The following CDC42BPA variants were observed in gnomAD, a reference collection of about 807,000 sequenced individuals.
CDC42BPA encodes CDC42 binding protein kinase alpha, also known as serine/threonine-protein kinase MRCK alpha.
Under a neutral mutation model 223.5 loss-of-function variants are expected in CDC42BPA, and 80 were observed. The ratio of observed to expected loss-of-function variants is 0.36; its 90% CI spans 0.30 to 0.43. The LOEUF (loss-of-function observed/expected upper bound fraction) is 0.43. CDC42BPA is among the 20% of genes least tolerant of loss of function. The probability of loss-of-function intolerance (pLI) is 1.00; values close to 1 mark genes in which losing one functional copy is unlikely to be tolerated. For missense variants in CDC42BPA, 1,743 were observed against 2,099.9 expected (o/e 0.83, Z 3.32); for synonymous variants, 694 against 718.6 (o/e 0.97, Z 0.55).
chr1:227,039,136 T>C (rs1670878230), intron 24 of CDC42BPA, among the ~76,000 whole-genome samples: 1 of 150,820 alleles, frequency 6.6e-6, no homozygotes. Flanking sequence ...ATTTGGTTCC[T>C]TCTGACTTTT....
intron 21 of CDC42BPA, among the ~76,000 whole-genome samples, chr1:227,068,126 TTC>T (rs1280346945): frequency 6.6e-6 from 1 of 151,910 alleles, no homozygotes; most frequent in Non-Finnish European, 1.5e-5. Flanking sequence ...AGAAGAGAAA[TTC>T]TGTCAGCATT....
chr1:227,073,801 C>T lies in CDC42BPA; in HGVS notation c.2735+63G>A, dbSNP rs543163869. 2.8e-5 allele frequency: 37 copies of T among 1,301,132 alleles called. 1 individual carries two copies. Among genetic ancestry groups the T allele is most frequent in the Non-Finnish European group, 3.9e-5 (37 of 954,948 alleles). 80.6% of individuals were successfully genotyped at this position (1,301,132 alleles called of 1,614,324 possible). On this transcript the variant is annotated intron_variant, in intron 19 of 36. Transcript: ENST00000366766. ...GCAATGGAAACTAAACATGTAACTT[C>T]TCTCCAAATAATTATGACAAACTTA...
At position 227,029,205 on chromosome 1, in the gene CDC42BPA, A is replaced by G; in HGVS notation, c.3884T>C (p.Leu1295Pro). The change falls in exon 30 of 37, where the codon CTC becomes CCC. Residue 1295 changes from leucine to proline, a missense_variant. Around this residue, in one of 6 missense-constraint regions of CDC42BPA, gnomAD observed 678 missense variants for 777.5 expected, o/e 0.87. Transcript: ENST00000366766. Reference sequence around the variant, plus strand: ...AGCAACAAGCTGATCATTTGGAATGAGTTCAATCTGATGAATCTTCTTATT... The same window carrying G: ...AGCAACAAGCTGATCATTTGGAATGGGTTCAATCTGATGAATCTTCTTATT... The part of the protein sequence containing the change: ...GDNKKIHQIE[L>P]IPNDQLVAVI... The G allele has an allele frequency of 6.3e-7, 1 of 1,598,508 alleles. No individual in the cohort carries two copies.
intron 15 of CDC42BPA, 33 bp downstream of exon 15, chr1:227,100,958 GT>G: frequency 7.9e-7 from 1 of 1,258,700 alleles, no homozygotes; most frequent in South Asian, 1.3e-5. Context: ...TACTCAGTAA[GT>G]ATTTACTGTA....
chr1:227,006,990 A>AACAACAACAACC (rs1553294122), intron 34 of CDC42BPA, among the ~76,000 whole-genome samples: 1 of 141,270 alleles, frequency 7.1e-6, no homozygotes, highest in Admixed American at 7.0e-5. Context: ...CAACAACAAC[A>AACAACAACAACC]ACCCCCCAGC....
intron 1 of CDC42BPA, among the ~76,000 whole-genome samples, chr1:227,279,111 C>T (rs185904002): frequency 6.6e-6 from 1 of 151,706 alleles, no homozygotes; most frequent in South Asian, 2.1e-4. Flanking sequence ...AAGACAGATC[C>T]GTAGTTCTCT....
chr1:227,266,298 G>A (rs867602798), intron 1 of CDC42BPA, among the ~76,000 whole-genome samples: 7 of 152,142 alleles, frequency 4.6e-5, no homozygotes, highest in South Asian at 2.1e-4. Context: ...CAAGGAGAAA[G>A]CCCTTTCTCG....
chr1:227,110,510 T>C (rs934785685), intron 14 of CDC42BPA, among the ~76,000 whole-genome samples: 1 of 152,212 alleles, frequency 6.6e-6, no homozygotes, highest in African/African-American at 2.4e-5. Flanking sequence ...GAATGAAAGT[T>C]AGAAAACCTG....
At chr1:227,251,415 A>C (rs1209770984) in intron 2 of CDC42BPA, among the ~76,000 whole-genome samples, 24 of 152,184 alleles carry the variant, frequency 1.6e-4, no homozygotes, top group Admixed American at 1.6e-3. Context: ...AATGAGCAAA[A>C]CAAATATAAA....
intron 34 of CDC42BPA, among the ~76,000 whole-genome samples, chr1:227,007,742 T>G (rs1221263074): frequency 6.6e-6 from 1 of 152,228 alleles, no homozygotes; most frequent in Non-Finnish European, 1.5e-5. Context: ...TCCACATACC[T>G]GCCATACATT....
chr1:227,301,299 C>T (rs985042529), intron 1 of CDC42BPA, among the ~76,000 whole-genome samples: 2 of 151,938 alleles, frequency 1.3e-5, no homozygotes, highest in East Asian at 3.9e-4. Flanking sequence ...CTTAGAAATA[C>T]CTCAAAAAGA....
chr1:227,105,862 G>C (rs907917570), intron 14 of CDC42BPA, among the ~76,000 whole-genome samples: 2 of 152,026 alleles, frequency 1.3e-5, no homozygotes, highest in Non-Finnish European at 2.9e-5. Flanking sequence ...CACTTGGATT[G>C]TTTCCACCTT....
chr1:227,053,509 C>G (rs756262019), intron 21 of CDC42BPA, among the ~76,000 whole-genome samples: 7 of 152,112 alleles, frequency 4.6e-5, no homozygotes, highest in Non-Finnish European at 1.0e-4. Flanking sequence ...CTAAAGCTTA[C>G]CAGCTGAATA....
chr1:227,133,229 C>T (rs77704520), intron 10 of CDC42BPA, among the ~76,000 whole-genome samples: 3 of 151,096 alleles, frequency 2.0e-5, no homozygotes, highest in East Asian at 2.0e-4. Flanking sequence ...GTCAGCCCCC[C>T]GCCCGGCCAG....
At chr1:227,181,540 T>C (rs1431034344) in intron 5 of CDC42BPA, among the ~76,000 whole-genome samples, 1 of 152,234 alleles carries the variant, frequency 6.6e-6, no homozygotes, top group Non-Finnish European at 1.5e-5. Context: ...TCATCTACTA[T>C]TTTCTTTTAT....
At chr1:227,181,865 T>C (rs1667993719) in intron 5 of CDC42BPA, among the ~76,000 whole-genome samples, 1 of 152,118 alleles carries the variant, frequency 6.6e-6, no homozygotes, top group Non-Finnish European at 1.5e-5. Context: ...AAATTGAAGG[T>C]AAAAAGTATA....
intron 16 of CDC42BPA, 46 bp downstream of exon 16, chr1:227,091,840 A>ACACCTAC: frequency 2.0e-6 from 2 of 1,002,166 alleles, no homozygotes; most frequent in Non-Finnish European, 1.5e-6. Flanking sequence ...TCAGTGTTGA[A>ACACCTAC]CATCTAGCAT....
At chr1:227,088,958 T>A (rs1251722703) in intron 16 of CDC42BPA, among the ~76,000 whole-genome samples, 2 of 152,114 alleles carry the variant, frequency 1.3e-5, no homozygotes, top group East Asian at 3.9e-4. Context: ...ACTCCTGACG[T>A]CAAGCGATCT....
chr1:227,009,219 AAC>A (rs1414879525), intron 34 of CDC42BPA, among the ~76,000 whole-genome samples: 1 of 152,206 alleles, frequency 6.6e-6, no homozygotes, highest in African/African-American at 2.4e-5. Context: ...TTTGTTAAAA[AAC>A]AGTTTATCAT....
Sources: gnomAD v4.1 joint callset for allele counts (sites outside exome capture counted in the v4.1 genomes callset) on GRCh38, gnomAD v4.1.1 for gene constraint, gnomAD v4.1.1 regional missense constraint, MANE v1.5 for transcripts, NCBI Gene and HGNC (gene_info 2026-07-23, HGNC 2026-07-21) for gene names.